AGPAT3: variants seen among roughly 807,000 people sequenced by gnomAD.
AGPAT3 encodes the protein 1-acyl-sn-glycerol-3-phosphate acyltransferase gamma.
AGPAT3 carries 5 observed loss-of-function variants against 47.3 expected under a neutral mutation model. That is an observed-to-expected ratio of 0.11 (90% CI 0.06 to 0.22). AGPAT3 has a LOEUF of 0.22. Ranked by LOEUF, AGPAT3 falls within the 10% of genes least tolerant of loss-of-function variation. AGPAT3 has a pLI of 1.00. For synonymous variants in AGPAT3, 212 were observed against 208.3 expected (o/e 1.02, Z -0.15); for missense variants, 315 against 493.0 (o/e 0.64, Z 3.42).
rs58314121 is a variant in AGPAT3 at position 43,955,899 on chromosome 21, CA to C, written c.-48-3718del. ...TGGGCAACAGTGAGATAATCTGTCT[CA>C]AAAAAAAAAAAAAAAATCAGATTCC... On this transcript the variant is annotated intron_variant, in intron 2 of 9. Coordinates refer to ENST00000291572, the MANE Select transcript of AGPAT3 (RefSeq NM_020132.5). The surrounding 1 kb of genome is among the most constrained non-coding windows in gnomAD (Gnocchi z 4.1). 0.024 allele frequency among the ~76,000 whole-genome samples: 2,962 copies of C among 124,722 alleles called. 69 individuals carry two copies. The highest frequency in any genetic ancestry group is 0.066 in the African/African-American group (2,270 of 34,520). The allele number at this position is 124,722 out of a possible 152,430, so 81.8% of individuals were successfully genotyped here.
rs1034533981 is a variant in AGPAT3 at position 43,983,025 on chromosome 21, G to T, written c.*633G>T. 4 of 152,520 alleles carry T rather than the reference G, an allele frequency of 2.6e-5. No homozygotes were observed. The highest frequency in any genetic ancestry group is 9.6e-5 in the African/African-American group (4 of 41,454). The allele number at this position is 152,520 out of a possible 1,614,324, so 9.4% of individuals were successfully genotyped here. A position where few individuals can be genotyped will look rare whatever the true frequency, so the allele number is the denominator to read the frequency against. ...CGAACGCCCCACCTCACTTTCTAGA[G>T]CCCTGTCTGTCCTAGCTCCTATCTG... On this transcript the variant is annotated 3_prime_UTR_variant, in exon 10 of 10. Coordinates refer to ENST00000291572, the MANE Select transcript of AGPAT3 (RefSeq NM_020132.5).
chr21:43,870,449 C>T (rs889728655), intron 1 of AGPAT3, among the ~76,000 whole-genome samples: 1 of 151,924 alleles, frequency 6.6e-6, no homozygotes, highest in Admixed American at 6.6e-5. Context: ...TGGTGGTTCA[C>T]ACCTGTAATG....
At chr21:43,929,431 A>C (rs1206956389) in intron 2 of AGPAT3, among the ~76,000 whole-genome samples, 1 of 152,212 alleles carries the variant, frequency 6.6e-6, no homozygotes, top group Non-Finnish European at 1.5e-5. Context: ...TGCTGACCCC[A>C]GAGCGAGTCA....
intron 1 of AGPAT3, among the ~76,000 whole-genome samples, chr21:43,902,440 A>G (rs1338271561): frequency 6.6e-6 from 1 of 152,244 alleles, no homozygotes; most frequent in African/African-American, 2.4e-5. Context: ...AAAAAAAGTT[A>G]ACACTGACTG....
At chr21:43,977,084 C>A (rs2089646176) in intron 7 of AGPAT3, among the ~76,000 whole-genome samples, 1 of 152,280 alleles carries the variant, frequency 6.6e-6, no homozygotes, top group East Asian at 1.9e-4. Flanking sequence ...TTAGATTTGT[C>A]CAATTAGGTA....
In AGPAT3 at chr21:43,985,367, A is replaced by C. The variant is rs2030171642; in HGVS notation, c.*2975A>C. 2.9e-6 allele frequency: 1 copy of C among 341,786 alleles called. No homozygotes were observed. The highest frequency in any genetic ancestry group is 2.2e-5 in the African/African-American group (1 of 46,222). The allele number at this position is 341,786 out of a possible 1,614,324, so 21.2% of individuals were successfully genotyped here. On this transcript the variant is annotated 3_prime_UTR_variant, in exon 10 of 10. Coordinates refer to ENST00000291572, the MANE Select transcript of AGPAT3 (RefSeq NM_020132.5). ...GCTGAACAAATCACTAAATAACACA[A>C]AACAACAATGTAAGCAGCACTTTCT...
At chr21:43,976,080 T>G (rs1405551692) in intron 7 of AGPAT3, among the ~76,000 whole-genome samples, 1 of 152,120 alleles carries the variant, frequency 6.6e-6, no homozygotes, top group Non-Finnish European at 1.5e-5. Flanking sequence ...TTTATTTTTT[T>G]TTTTTGAGAC....
Position 43,906,577 on chromosome 21 carries a change from A to G in AGPAT3, c.-49+2558A>G, listed in dbSNP as rs576364829. ...TGATGAGGAGGTGGGATGGGGCGTG[A>G]TGGGACGCTTGTTCCTCATGGTGGC... On this transcript the variant is annotated intron_variant, in intron 2 of 9. Transcript: ENST00000291572. Among the ~76,000 whole-genome samples, 187 of 152,250 alleles carry G rather than the reference A, an allele frequency of 1.2e-3. 1 individual carries two copies. Among genetic ancestry groups the G allele is most frequent in the Admixed American group, 3.4e-3 (52 of 15,286 alleles).
At position 43,880,461 on chromosome 21, in the gene AGPAT3, C is replaced by T. The variant is rs1204981162; in HGVS notation, c.-112+15116C>T. On this transcript the variant is annotated intron_variant, in intron 1 of 9. Transcript: ENST00000291572. The surrounding 1 kb of genome is among the most constrained non-coding windows in gnomAD (Gnocchi z 4.5). ...CTGGCAGGAAGATGGGAAAGGTGCT[C>T]TGCAGGTCTCTACTGCCAGGAGCTC... is the stretch of plus-strand genomic sequence containing the variant. Among the ~76,000 whole-genome samples the T allele has an allele frequency of 1.3e-5, 2 of 152,212 alleles. No individual in the cohort carries two copies. The highest frequency in any genetic ancestry group is 2.9e-5 in the Non-Finnish European group (2 of 68,030).
chr21:43,870,036 C>A (rs1044611360), intron 1 of AGPAT3, among the ~76,000 whole-genome samples: 2 of 152,144 alleles, frequency 1.3e-5, no homozygotes, highest in Non-Finnish European at 2.9e-5. Flanking sequence ...TCCACAAAAA[C>A]AAAAGGAACA....
intron 1 of AGPAT3, among the ~76,000 whole-genome samples, chr21:43,875,295 T>C (rs2085710694): frequency 6.6e-6 from 1 of 152,234 alleles, no homozygotes. Flanking sequence ...ACAATGCCTA[T>C]ATATAACTTC....
At chr21:43,936,998 T>C (rs1294875530) in intron 2 of AGPAT3, among the ~76,000 whole-genome samples, 1 of 152,262 alleles carries the variant, frequency 6.6e-6, no homozygotes, top group African/African-American at 2.4e-5. Flanking sequence ...TATTTTTCTC[T>C]AATAGAAATC....
chr21:43,957,516 C>A (rs892955246), intron 2 of AGPAT3, among the ~76,000 whole-genome samples: 1 of 144,808 alleles, frequency 6.9e-6, no homozygotes, highest in Non-Finnish European at 1.5e-5. Flanking sequence ...CGGGGGGTCT[C>A]GGGTTTCCCC....
intron 2 of AGPAT3, among the ~76,000 whole-genome samples, chr21:43,913,832 C>T (rs1569060833): frequency 1.3e-5 from 2 of 152,058 alleles, no homozygotes; most frequent in South Asian, 2.1e-4. Context: ...CCAGGAGTAC[C>T]GAGGTCGAGA....
intron 7 of AGPAT3, among the ~76,000 whole-genome samples, chr21:43,974,583 C>T (rs2089532922): frequency 6.9e-6 from 1 of 144,754 alleles, no homozygotes; most frequent in African/African-American, 2.6e-5. Flanking sequence ...GTATATAAAT[C>T]GTGAGGGTGG....
chr21:43,906,122 A>C (rs564772042), intron 2 of AGPAT3, among the ~76,000 whole-genome samples: 1 of 152,386 alleles, frequency 6.6e-6, no homozygotes, highest in East Asian at 1.9e-4. Flanking sequence ...GAAAAAGAAC[A>C]GAAAGAAGGG....
chr21:43,882,184 G>A (rs377099979), intron 1 of AGPAT3, among the ~76,000 whole-genome samples: 77 of 152,364 alleles, frequency 5.1e-4, no homozygotes, highest in Non-Finnish European at 8.5e-4. Context: ...GTCATTCCCC[G>A]CCCTGCCGGG....
intron 2 of AGPAT3, among the ~76,000 whole-genome samples, chr21:43,925,764 G>A (rs1362341804): frequency 2.6e-5 from 4 of 152,228 alleles, no homozygotes; most frequent in African/African-American, 7.2e-5. Context: ...TCTGGCCTGC[G>A]CCTGTCTCCA....
chr21:43,969,342 C>G, intron 5 of AGPAT3, 63 bp downstream of exon 5: 2 of 1,586,796 alleles, frequency 1.3e-6, no homozygotes, highest in Non-Finnish European at 1.7e-6. Flanking sequence ...ACTCCTGATG[C>G]ACGGCTGCCC....
Sources: allele counts gnomAD v4.1 joint callset (sites outside exome capture counted in the v4.1 genomes callset), GRCh38; gene constraint gnomAD v4.1.1; non-coding constraint Gnocchi (gnomAD v3.1); transcripts MANE v1.5; gene names NCBI Gene and HGNC (gene_info 2026-07-23, HGNC 2026-07-21).